ARHGAP42: variants seen among roughly 807,000 people sequenced by gnomAD.
ARHGAP42 encodes the protein Rho GTPase activating protein 42.
ARHGAP42 carries 63 observed loss-of-function variants against 125.0 expected under a neutral mutation model. The observed-to-expected ratio is 0.50, with a 90% confidence interval of 0.41 to 0.62. The LOEUF (loss-of-function observed/expected upper bound fraction) is 0.62. Among genes scored for constraint, ARHGAP42 ranks in the 20% least tolerant of loss-of-function variants. The probability of loss-of-function intolerance (pLI) is 0.00; values close to 1 mark genes in which losing one functional copy is unlikely to be tolerated. For synonymous variants in ARHGAP42, 339 were observed against 351.0 expected, an observed-to-expected ratio of 0.97 and a Z score of 0.38; for missense variants, 766 against 1,024.2, an observed-to-expected ratio of 0.75 and a Z score of 3.44.
intron 1 of ARHGAP42, among the ~76,000 whole-genome samples, chr11:100,719,051 T>A (rs1565540220): frequency 6.6e-6 from 1 of 152,176 alleles, no homozygotes; most frequent in African/African-American, 2.4e-5. Flanking sequence ...GAACCAATCA[T>A]CCTTCAAAGA....
intron 3 of ARHGAP42, among the ~76,000 whole-genome samples, chr11:100,853,615 A>T (rs1188509225): frequency 6.6e-6 from 1 of 152,088 alleles, no homozygotes; most frequent in African/African-American, 2.4e-5. Context: ...GAAATTTTAC[A>T]ATCTACTCTC....
At chr11:100,813,747 G>T (rs569941276) in intron 3 of ARHGAP42, among the ~76,000 whole-genome samples, 5 of 152,224 alleles carry the variant, frequency 3.3e-5, no homozygotes, top group South Asian at 2.1e-4. Flanking sequence ...CAATCCACTT[G>T]CTTTCTCTGA....
intron 3 of ARHGAP42, among the ~76,000 whole-genome samples, chr11:100,836,178 T>C (rs1029972609): frequency 6.8e-6 from 1 of 147,004 alleles, no homozygotes; most frequent in Non-Finnish European, 1.5e-5. Context: ...GATTATGCAG[T>C]TAGTTATTAG....
At chr11:100,769,241 G>C (rs1862912906) in intron 1 of ARHGAP42, among the ~76,000 whole-genome samples, 1 of 152,178 alleles carries the variant, frequency 6.6e-6, no homozygotes, top group African/African-American at 2.4e-5. Flanking sequence ...TGTGGTGCTT[G>C]ACTGTGTGAG....
chr11:100,688,065 C>A, intron 1 of ARHGAP42: 1 of 339,246 alleles, frequency 2.9e-6, no homozygotes, highest in Non-Finnish European at 5.3e-6. Context: ...GGAATATATC[C>A]TGAGGAAAGT....
intron 3 of ARHGAP42, among the ~76,000 whole-genome samples, chr11:100,823,069 A>G (rs1864438971): frequency 6.6e-6 from 1 of 152,086 alleles, no homozygotes; most frequent in Non-Finnish European, 1.5e-5. Context: ...CCACTTTTTC[A>G]GTCTGGCTGA....
At chr11:100,710,460 C>T (rs1861543345) in intron 1 of ARHGAP42, among the ~76,000 whole-genome samples, 1 of 150,122 alleles carries the variant, frequency 6.7e-6, no homozygotes, top group Non-Finnish European at 1.5e-5. Context: ...TGGTCTTGAA[C>T]TCCTGACCTT....
chr11:100,973,424 G>C lies in ARHGAP42; in HGVS notation c.1710+90G>C, dbSNP rs887760155. On this transcript the variant is annotated intron_variant, in intron 18 of 23. Coordinates refer to ENST00000298815, the MANE Select transcript of ARHGAP42 (RefSeq NM_152432.4). ...TTTGATCTGTGAGCTCATGAGTTTT[G>C]TATAAATTACTTCTTAATGGGGACT... 4.1e-5 allele frequency: 54 copies of C among 1,319,838 alleles called. No individual in the cohort carries two copies. In the South Asian group the frequency reaches 7.1e-4, roughly 17 times the overall value. 81.8% of individuals were successfully genotyped at this position (1,319,838 alleles called of 1,614,324 possible). A position where few individuals can be genotyped will look rare whatever the true frequency, so the allele number is the denominator to read the frequency against.
chr11:100,746,155 T>A (rs2120351913), intron 1 of ARHGAP42, among the ~76,000 whole-genome samples: 1 of 152,128 alleles, frequency 6.6e-6, no homozygotes, highest in South Asian at 2.1e-4. Context: ...TGCTCAGGGA[T>A]GAATAAGGGC....
chr11:100,990,527 A>G lies in ARHGAP42; in HGVS notation c.*1726A>G, dbSNP rs1047258520. On this transcript the variant is annotated 3_prime_UTR_variant, in exon 24 of 24. Transcript: ENST00000298815. The stretch of plus-strand genomic sequence containing the variant: ...GTGAATCAAAAGAATGAAAAATATT[A>G]TGTAATAAAAATTAGCAATGTAATG... 1.3e-5 allele frequency: 2 copies of G among 152,230 alleles called. No homozygotes were observed. The highest frequency in any genetic ancestry group is 2.9e-5 in the Non-Finnish European group (2 of 68,034). The allele number at this position is 152,230 out of a possible 1,614,324, so 9.4% of individuals were successfully genotyped here.
chr11:100,934,583 G>T (rs1867682527), intron 7 of ARHGAP42, among the ~76,000 whole-genome samples: 1 of 152,142 alleles, frequency 6.6e-6, no homozygotes, highest in Non-Finnish European at 1.5e-5. Flanking sequence ...ACACCCAAAA[G>T]TTGAGCCAAC....
chr11:100,713,918 A>AT (rs1366878335), intron 1 of ARHGAP42, among the ~76,000 whole-genome samples: 9 of 151,638 alleles, frequency 5.9e-5, no homozygotes, highest in Non-Finnish European at 1.3e-4. Flanking sequence ...ATTTTACTGT[A>AT]TTTATCAGTC....
At chr11:100,816,618 T>C (rs565871919) in intron 3 of ARHGAP42, 2 of 152,370 alleles carry the variant, frequency 1.3e-5, no homozygotes, top group Non-Finnish European at 2.9e-5. Flanking sequence ...ATATAAAGTA[T>C]GTTTATACAT....
At chr11:100,973,553 A>G (rs1188867060) in intron 18 of ARHGAP42, among the ~76,000 whole-genome samples, 1 of 152,114 alleles carries the variant, frequency 6.6e-6, no homozygotes, top group African/African-American at 2.4e-5. Context: ...TCTTCTTTAC[A>G]TTGTATGGTA....
chr11:100,936,387 A>G (rs1867739025), intron 8 of ARHGAP42, 55 bp downstream of exon 8: 2 of 1,547,330 alleles, frequency 1.3e-6, no homozygotes. Flanking sequence ...CGATCATGAG[A>G]TGTGACTTGG....
intron 1 of ARHGAP42, among the ~76,000 whole-genome samples, chr11:100,744,333 T>C (rs1233492193): frequency 3.9e-5 from 6 of 152,226 alleles, no homozygotes; most frequent in Non-Finnish European, 8.8e-5. Flanking sequence ...TTCTCTGATA[T>C]CTCCTTGAGT....
intron 1 of ARHGAP42, among the ~76,000 whole-genome samples, chr11:100,767,546 A>C (rs1862859478): frequency 3.3e-5 from 5 of 152,198 alleles, no homozygotes; most frequent in Admixed American, 3.3e-4. Flanking sequence ...ATAGGAAGTC[A>C]AGAACGGTCT....
At chr11:100,838,646 T>C (rs1291765426) in intron 3 of ARHGAP42, among the ~76,000 whole-genome samples, 2 of 152,030 alleles carry the variant, frequency 1.3e-5, no homozygotes, top group African/African-American at 2.4e-5. Context: ...TGAGCCATGA[T>C]TGTGCTACGA....
At chr11:100,743,679 C>G (rs1331391871) in intron 1 of ARHGAP42, among the ~76,000 whole-genome samples, 5 of 152,158 alleles carry the variant, frequency 3.3e-5, no homozygotes. Flanking sequence ...GTTTTGCTTT[C>G]TCTTCTCCCT....
Sources: gnomAD v4.1 joint callset for allele counts (sites outside exome capture counted in the v4.1 genomes callset) on GRCh38, gnomAD v4.1.1 for gene constraint, MANE v1.5 for transcripts, NCBI Gene and HGNC (gene_info 2026-07-23, HGNC 2026-07-21) for gene names.